SESTD1: variants seen among roughly 807,000 people sequenced by gnomAD.
SESTD1 encodes SEC14 domain and spectrin repeat-containing protein 1.
In SESTD1, 43 loss-of-function variants were observed where a neutral mutation model predicts 101.7. The observed-to-expected ratio is 0.42, with a 90% CI of 0.33 to 0.55. The LOEUF is 0.55. Among genes scored for constraint, SESTD1 ranks in the 20% least tolerant of loss-of-function variants. SESTD1 has a pLI of 0.07. For missense variants in SESTD1, 647 were observed against 815.1 expected, an observed-to-expected ratio of 0.79 and a Z score of 2.51; for synonymous variants, 283 against 286.8, an observed-to-expected ratio of 0.99 and a Z score of 0.13.
At chr2:179,246,110 C>T (rs2047226418) in intron 1 of SESTD1, among the ~76,000 whole-genome samples, 5 of 152,082 alleles carry the variant, frequency 3.3e-5, no homozygotes. Flanking sequence ...CAAAAATTAG[C>T]TGGGTGTGGT....
intron 1 of SESTD1, among the ~76,000 whole-genome samples, chr2:179,250,856 A>G (rs771607326): frequency 7.2e-5 from 11 of 152,312 alleles, no homozygotes; most frequent in South Asian, 6.2e-4. Flanking sequence ...ACTATGGGAG[A>G]CAGTTTGGTA....
intron 3 of SESTD1, among the ~76,000 whole-genome samples, chr2:179,178,333 A>C (rs2046046931): frequency 6.6e-6 from 1 of 152,174 alleles, no homozygotes; most frequent in Admixed American, 6.5e-5. Flanking sequence ...AAAGAAAATA[A>C]AAGACTTGCA....
chr2:179,208,922 C>G lies in SESTD1; in HGVS notation c.-25-17056G>C, dbSNP rs185160678. 2.6e-4 allele frequency among the ~76,000 whole-genome samples: 35 copies of G among 134,790 alleles called. 8 individuals are homozygous for G. The highest frequency in any genetic ancestry group is 9.6e-4 in the African/African-American group (33 of 34,236). 88.4% of individuals were successfully genotyped at this position (134,790 alleles called of 152,430 possible). A position where few individuals can be genotyped will look rare whatever the true frequency, so the allele number is the denominator to read the frequency against. ...GCCTAAATGCTCCACTTAAAAGATA[C>G]AGAATGGCAGAATGAATGAGAATTC... On this transcript the variant is annotated intron_variant, in intron 1 of 17. Transcript: ENST00000428443.
At chr2:179,157,037 T>C (rs2045645959) in intron 5 of SESTD1, among the ~76,000 whole-genome samples, 1 of 152,188 alleles carries the variant, frequency 6.6e-6, no homozygotes, top group South Asian at 2.1e-4. Flanking sequence ...TTCTCCTACA[T>C]GTGGCTAGCC....
intron 1 of SESTD1, among the ~76,000 whole-genome samples, chr2:179,249,679 G>T (rs1482998535): frequency 6.6e-6 from 1 of 151,874 alleles, no homozygotes; most frequent in Non-Finnish European, 1.5e-5. Context: ...GTTACGTACA[G>T]AGGCAAAAAA....
intron 10 of SESTD1, among the ~76,000 whole-genome samples, chr2:179,130,796 G>GACTCT (rs1255122197): frequency 2.6e-5 from 4 of 151,884 alleles, no homozygotes; most frequent in African/African-American, 9.7e-5. Context: ...ACAAATTGTA[G>GACTCT]ACTCTAACTA....
intron 17 of SESTD1, among the ~76,000 whole-genome samples, chr2:179,111,782 T>G (rs1215426000): frequency 6.7e-6 from 1 of 150,106 alleles, no homozygotes; most frequent in African/African-American, 2.5e-5. Context: ...CGCAGTGGCG[T>G]GATCTCGGCT....
intron 10 of SESTD1, among the ~76,000 whole-genome samples, chr2:179,131,817 C>T (rs776661819): frequency 6.6e-5 from 10 of 152,128 alleles, no homozygotes; most frequent in Non-Finnish European, 1.2e-4. Flanking sequence ...TTCACAAATA[C>T]AAAAGGGACC....
At chr2:179,153,941 C>G (rs1200922097) in intron 5 of SESTD1, among the ~76,000 whole-genome samples, 1 of 151,942 alleles carries the variant, frequency 6.6e-6, no homozygotes, top group Non-Finnish European at 1.5e-5. Context: ...CTAGAGAACA[C>G]ACTTATTATA....
At chr2:179,179,774 G>A (rs2046075483) in intron 3 of SESTD1, among the ~76,000 whole-genome samples, 2 of 152,080 alleles carry the variant, frequency 1.3e-5, no homozygotes, top group Non-Finnish European at 2.9e-5. Flanking sequence ...GGAAGCCATT[G>A]CCTACATGGT....
chr2:179,166,916 A>C (rs2045844766), intron 5 of SESTD1, among the ~76,000 whole-genome samples: 1 of 152,240 alleles, frequency 6.6e-6, no homozygotes, highest in African/African-American at 2.4e-5. Flanking sequence ...AAAGCCTAGG[A>C]AAAGGGCAAG....
intron 5 of SESTD1, among the ~76,000 whole-genome samples, chr2:179,167,254 C>T (rs1435670889): frequency 6.6e-6 from 1 of 152,098 alleles, no homozygotes; most frequent in Admixed American, 6.6e-5. Context: ...TTTCAATGGT[C>T]TCATCAACAA....
chr2:179,245,219 A>T (rs2047211580), intron 1 of SESTD1, among the ~76,000 whole-genome samples: 2 of 152,074 alleles, frequency 1.3e-5, no homozygotes, highest in Admixed American at 6.6e-5. Context: ...AAATATTTTT[A>T]AAAATTAGCC....
intron 5 of SESTD1, among the ~76,000 whole-genome samples, chr2:179,157,757 T>C (rs2045658914): frequency 1.3e-5 from 2 of 152,168 alleles, no homozygotes; most frequent in African/African-American, 2.4e-5. Flanking sequence ...GCTAAATTTA[T>C]TTATTAGAAG....
chr2:179,190,780 C>T (rs955956516), intron 2 of SESTD1, among the ~76,000 whole-genome samples: 5 of 151,880 alleles, frequency 3.3e-5, no homozygotes, highest in African/African-American at 1.2e-4. Context: ...CAAGCATGCA[C>T]ATCACAGATA....
At chr2:179,117,828 C>A (rs187587573) in intron 13 of SESTD1, among the ~76,000 whole-genome samples, 3 of 152,262 alleles carry the variant, frequency 2.0e-5, no homozygotes, top group East Asian at 3.9e-4. Context: ...TACTCAATGA[C>A]AAACCCTCTT....
intron 9 of SESTD1, 135 bp downstream of exon 9, chr2:179,143,457 A>G: frequency 1.5e-6 from 1 of 652,052 alleles, no homozygotes; most frequent in African/African-American, 1.8e-5. Flanking sequence ...ACAATACATA[A>G]TTTAAAAGTT....
rs535768380 is a variant in SESTD1, at chr2:179,160,546, T to C, written c.370-9155A>G. On this transcript the variant is annotated intron_variant, in intron 5 of 17. Transcript: ENST00000428443. ...ACCTTCTTTTAAATATTTATTGACA[T>C]TGTCACCTGTTCTAATTAAGTGACC... Among the ~76,000 whole-genome samples, 6 of 152,068 alleles carry C rather than the reference T, an allele frequency of 3.9e-5. 1 individual carries two copies. Among genetic ancestry groups the C allele is most frequent in the African/African-American group, 1.4e-4 (6 of 41,558 alleles).
rs563402579 is a variant in SESTD1, at chr2:179,148,832, G to A, written c.581+465C>T. 8.6e-5 allele frequency among the ~76,000 whole-genome samples: 13 copies of A among 152,040 alleles called. No homozygotes were observed. The East Asian group carries it at 1.5e-3, about 18-fold the overall frequency. ...TCCCAGCACTTTGGGAGGCCGAGAC[G>A]GGCAGATCACGAGGTCAGGAGATCG... On this transcript the variant is annotated intron_variant, in intron 7 of 17. Coordinates refer to ENST00000428443, the MANE Select transcript of SESTD1 (RefSeq NM_178123.5).
Sources: allele counts gnomAD v4.1 joint callset (sites outside exome capture counted in the v4.1 genomes callset), GRCh38; gene constraint gnomAD v4.1.1; transcripts MANE v1.5; gene names NCBI Gene and HGNC (gene_info 2026-07-23, HGNC 2026-07-21).